PPP2R2C: variants seen among roughly 807,000 people sequenced by gnomAD.
The protein encoded by PPP2R2C is protein phosphatase 2 regulatory subunit Bgamma.
A neutral mutation model predicts 45.3 loss-of-function variants in PPP2R2C; 10 were observed. The observed-to-expected ratio is 0.22, with a 90% CI of 0.14 to 0.37. The LOEUF (loss-of-function observed/expected upper bound fraction) is 0.37, where lower values mean the gene tolerates loss of function less well. Ranked by LOEUF, PPP2R2C falls within the 10% of genes least tolerant of loss-of-function variation. The pLI is 1.00. For synonymous variants in PPP2R2C, 257 were observed against 245.4 expected (o/e 1.05, Z -0.44); for missense variants, 308 against 619.7 (o/e 0.50, Z 5.34).
At chr4:6,429,942 A>G (rs1006123699) in intron 1 of PPP2R2C, among the ~76,000 whole-genome samples, 1 of 152,138 alleles carries the variant, frequency 6.6e-6, no homozygotes, top group African/African-American at 2.4e-5. Flanking sequence ...TACTGAACAC[A>G]AGGCCCAGAG....
chr4:6,337,112 G>GTATATA (rs61657951), intron 6 of PPP2R2C, among the ~76,000 whole-genome samples: 576 of 29,894 alleles, frequency 0.019, 74 homozygotes, highest in East Asian at 0.031. Flanking sequence ...ATGTGTGTGT[G>GTATATA]TATATATATA....
chr4:6,381,189 C>T (rs1044457428), intron 1 of PPP2R2C, 95 bp from the exon 2 acceptor site: 1 of 1,546,694 alleles, frequency 6.5e-7, no homozygotes. Context: ...GCTCCCCGCT[C>T]CCCGAGGCCC....
intron 1 of PPP2R2C, among the ~76,000 whole-genome samples, chr4:6,459,182 C>G (rs1252193908): frequency 6.6e-6 from 1 of 152,004 alleles, no homozygotes; most frequent in African/African-American, 2.4e-5. Context: ...GATGGCTTGC[C>G]TGAGGGCTGG....
intron 2 of PPP2R2C, among the ~76,000 whole-genome samples, chr4:6,500,669 G>A (rs531341094): frequency 1.3e-5 from 2 of 152,220 alleles, no homozygotes; most frequent in Non-Finnish European, 2.9e-5. Context: ...AAAGAGGGGG[G>A]TTCATTTGAG....
chr4:6,476,858 G>C (rs891770171), upstream of PPP2R2C, among the ~76,000 whole-genome samples: 7 of 152,166 alleles, frequency 4.6e-5, no homozygotes, highest in African/African-American at 1.7e-4. Flanking sequence ...TTCTATGGCA[G>C]AAATACACTG....
chr4:6,333,128 T>G (rs113209213), intron 7 of PPP2R2C, among the ~76,000 whole-genome samples: 54 of 152,330 alleles, frequency 3.5e-4, no homozygotes, highest in African/African-American at 1.2e-3. Context: ...AAACATGTGC[T>G]CAGTTCACCT....
At chr4:6,450,831 C>T (rs1445049298) in intron 1 of PPP2R2C, among the ~76,000 whole-genome samples, 4 of 152,162 alleles carry the variant, frequency 2.6e-5, no homozygotes, top group South Asian at 2.1e-4. Context: ...GAGGCACCTC[C>T]GCCTGGCCCT....
intron 2 of PPP2R2C, among the ~76,000 whole-genome samples, chr4:6,535,073 G>A (rs1249402597): frequency 6.6e-6 from 1 of 152,172 alleles, no homozygotes; most frequent in Non-Finnish European, 1.5e-5. Context: ...ATGGGGGCTG[G>A]TGGGGTGGGG....
chr4:6,324,165 C>T lies in PPP2R2C; in HGVS notation c.1053-572G>A, dbSNP rs1299190780. 6.6e-6 allele frequency among the ~76,000 whole-genome samples: 1 copy of T among 152,088 alleles called. No individual in the cohort carries two copies. Among genetic ancestry groups the T allele is most frequent in the Non-Finnish European group, 1.5e-5 (1 of 68,020 alleles). On this transcript the variant is annotated intron_variant, in intron 8 of 8. Transcript: ENST00000382599. This position sits in a 1 kb window ranked among gnomAD's most constrained non-coding sequence, Gnocchi z 4.1. Reference sequence around the variant, plus strand: ...ATACCCTCCTGGCCAGGCGTGGTGGCTCACACCTGTAATCCCAGCACTTTG... The same window carrying T: ...ATACCCTCCTGGCCAGGCGTGGTGGTTCACACCTGTAATCCCAGCACTTTG...
At position 6,331,344 on chromosome 4, in the gene PPP2R2C, G is replaced by A. The variant is rs1732401417; in HGVS notation, c.961-1991C>T. On this transcript the variant is annotated intron_variant, in intron 7 of 8. Transcript: ENST00000382599. The surrounding 1 kb of genome is among the most constrained non-coding windows in gnomAD (Gnocchi z 5.9). Reference sequence around the variant, plus strand: ...AATTGTCTTCCAATAAAATGGGATGGGGAGAATACCGGCCCCACCTCCCAG... The same window carrying A: ...AATTGTCTTCCAATAAAATGGGATGAGGAGAATACCGGCCCCACCTCCCAG... Among the ~76,000 whole-genome samples the A allele has an allele frequency of 3.3e-5, 5 of 152,184 alleles. No homozygotes were observed. The South Asian group carries it at 1.0e-3, about 32-fold the overall frequency.
chr4:6,510,752 C>A (rs1352469004), intron 2 of PPP2R2C, among the ~76,000 whole-genome samples: 1 of 151,982 alleles, frequency 6.6e-6, no homozygotes, highest in South Asian at 2.1e-4. Flanking sequence ...CCGAGGTGGG[C>A]GGACCCCGAG....
chr4:6,551,262 T>C (rs1032579169), intron 1 of PPP2R2C, among the ~76,000 whole-genome samples: 5 of 152,214 alleles, frequency 3.3e-5, no homozygotes, highest in Non-Finnish European at 7.3e-5. Context: ...TGCTCATGTA[T>C]GTCACATGCT....
chr4:6,540,842 A>T (rs1724784269), intron 1 of PPP2R2C, among the ~76,000 whole-genome samples: 1 of 152,226 alleles, frequency 6.6e-6, no homozygotes, highest in African/African-American at 2.4e-5. Context: ...ATCAGTTAGG[A>T]GCTGTGTTAG....
intron 5 of PPP2R2C, among the ~76,000 whole-genome samples, chr4:6,359,721 C>T (rs182031475): frequency 2.0e-5 from 3 of 152,200 alleles, no homozygotes; most frequent in East Asian, 1.9e-4. Context: ...ACCAGCCCCA[C>T]GTGAGGCTGG....
intron 1 of PPP2R2C, among the ~76,000 whole-genome samples, chr4:6,428,298 G>A (rs535656080): frequency 4.6e-5 from 7 of 152,234 alleles, no homozygotes; most frequent in South Asian, 2.1e-4. Flanking sequence ...CTCTAACCCC[G>A]GCCTGGATGG....
chr4:6,550,402 C>T (rs772785141), intron 1 of PPP2R2C, among the ~76,000 whole-genome samples: 45 of 152,170 alleles, frequency 3.0e-4, no homozygotes, highest in Non-Finnish European at 4.9e-4. Flanking sequence ...TGCTTCCTCC[C>T]GGGAAGGCTA....
At chr4:6,333,501 T>G (rs577481771) in intron 7 of PPP2R2C, 61 bp downstream of exon 7, 2 of 1,567,402 alleles carry the variant, frequency 1.3e-6, no homozygotes, top group African/African-American at 1.4e-5. Context: ...GCCCCCTCCA[T>G]GGGGATCTCA....
intron 5 of PPP2R2C, 95 bp from the exon 6 acceptor site, chr4:6,348,105 T>C: frequency 7.0e-7 from 1 of 1,428,052 alleles, no homozygotes; most frequent in Non-Finnish European, 9.7e-7. Flanking sequence ...GGCAAAACCG[T>C]CCACCCTCGC....
chr4:6,493,562 T>G (rs1227326834), intron 2 of PPP2R2C, among the ~76,000 whole-genome samples: 1 of 151,176 alleles, frequency 6.6e-6, no homozygotes, highest in Non-Finnish European at 1.5e-5. Context: ...ACACTAACAG[T>G]GCTGTGTTAG....
Sources: gnomAD v4.1 joint callset for allele counts (sites outside exome capture counted in the v4.1 genomes callset) on GRCh38, gnomAD v4.1.1 for gene constraint, Gnocchi (gnomAD v3.1) non-coding constraint, MANE v1.5 for transcripts, NCBI Gene and HGNC (gene_info 2026-07-23, HGNC 2026-07-21) for gene names.